Variants in LNPK observed in about 807,000 individuals in gnomAD.
LNPK encodes the protein endoplasmic reticulum junction formation protein lunapark.
LNPK carries 29 observed loss-of-function variants against 55.2 expected under a neutral mutation model. The observed-to-expected ratio is 0.53, with a 90% CI of 0.39 to 0.72. The LOEUF is 0.72. LNPK is among the 30% of genes least tolerant of loss of function. The probability of loss-of-function intolerance (pLI) is 0.00; values close to 1 mark genes in which losing one functional copy is unlikely to be tolerated. For missense variants in LNPK, 467 were observed against 494.8 expected (o/e 0.94, Z 0.53); for synonymous variants, 162 against 168.2 (o/e 0.96, Z 0.29).
chr2:175,937,234 A>G (rs1213455849), intron 12 of LNPK, 110 bp downstream of exon 12: 8 of 1,053,176 alleles, frequency 7.6e-6, no homozygotes, highest in Non-Finnish European at 1.1e-5. Context: ...TGACATATGC[A>G]TGCAGCAAAA....
intron 9 of LNPK, among the ~76,000 whole-genome samples, chr2:175,943,493 G>T (rs556850330): frequency 4.6e-5 from 7 of 152,126 alleles, no homozygotes; most frequent in African/African-American, 1.7e-4. Context: ...TATTCCTAAT[G>T]AGTATTGATA....
rs1233695890 is a variant in LNPK, at chr2:175,964,643, T to C, written c.358-54A>G. ...ACACTTCAAAACACACACTACTTAT[T>C]TGTATAAGTCCTATTCAAAAAGGTT... is the stretch of plus-strand genomic sequence containing the variant. On this transcript the variant is annotated intron_variant, in intron 6 of 12. Transcript: ENST00000272748. 6 of 921,872 alleles carry C rather than the reference T, an allele frequency of 6.5e-6. No individual in the cohort carries two copies. In the East Asian group the frequency reaches 7.2e-5, roughly 11 times the overall value. The allele number at this position is 921,872 out of a possible 1,614,324, so 57.1% of individuals were successfully genotyped here. A position where few individuals can be genotyped will look rare whatever the true frequency, so the allele number is the denominator to read the frequency against.
chr2:175,956,163 C>G (rs1685684532), intron 8 of LNPK, among the ~76,000 whole-genome samples: 1 of 151,354 alleles, frequency 6.6e-6, no homozygotes, highest in Non-Finnish European at 1.5e-5. Context: ...ACTCGTAGTC[C>G]CAGCTACTCA....
chr2:175,944,538 C>A (rs893698623), intron 9 of LNPK, among the ~76,000 whole-genome samples: 2 of 151,930 alleles, frequency 1.3e-5, no homozygotes, highest in African/African-American at 4.8e-5. Context: ...AAGACAGTGA[C>A]AGAATAAAAT....
intron 4 of LNPK, among the ~76,000 whole-genome samples, chr2:175,991,107 A>T (rs1214131114): frequency 6.6e-6 from 1 of 152,212 alleles, no homozygotes; most frequent in East Asian, 1.9e-4. Context: ...CCTATCAGAC[A>T]TTCTGTTACA....
At chr2:175,967,722 A>G (rs1686438941) in intron 6 of LNPK, 1 of 973,886 alleles carries the variant, frequency 1.0e-6, no homozygotes, top group South Asian at 4.7e-5. Flanking sequence ...TTCAGATGTT[A>G]TATCATTTTC....
At chr2:175,947,791 G>T in intron 8 of LNPK, 99 bp from the exon 9 acceptor site, 1 of 682,084 alleles carries the variant, frequency 1.5e-6, no homozygotes, top group Non-Finnish European at 2.3e-6. Flanking sequence ...GCCCCAAAAG[G>T]CATTGTAGTG....
intron 8 of LNPK, among the ~76,000 whole-genome samples, chr2:175,962,734 CAGCAGAAGAAACTACCATCA>C (rs753436447): frequency 1.3e-5 from 2 of 152,074 alleles, no homozygotes; most frequent in Non-Finnish European, 2.9e-5. Flanking sequence ...AGCTTCTGCA[CAGCAGAAGAAACTACCATCA>C]GACTGAACAC....
At chr2:175,933,590 T>C (rs1259631458) in intron 12 of LNPK, among the ~76,000 whole-genome samples, 2 of 152,022 alleles carry the variant, frequency 1.3e-5, no homozygotes, top group Non-Finnish European at 2.9e-5. Flanking sequence ...AAGGTATAAA[T>C]TTCACCCCAA....
At chr2:175,993,798 A>C (rs1273627701) in intron 2 of LNPK, among the ~76,000 whole-genome samples, 3 of 152,168 alleles carry the variant, frequency 2.0e-5, no homozygotes, top group African/African-American at 7.2e-5. Flanking sequence ...ATCTCAAAAA[A>C]AAAATTAAAT....
At position 175,958,802 on chromosome 2, in the gene LNPK, G is replaced by A. The variant is rs148926997; in HGVS notation, c.493+5570C>T. 1.1e-3 allele frequency among the ~76,000 whole-genome samples: 164 copies of A among 152,244 alleles called. 1 individual carries two copies. The highest frequency in any genetic ancestry group is 3.5e-3 in the African/African-American group (144 of 41,546). ...CTAAAGGAGGATGTTCGAACCCATC[G>A]CAAGGAAGCTATAAACCTTGAAAAA... On this transcript the variant is annotated intron_variant, in intron 8 of 12. Coordinates refer to ENST00000272748, the MANE Select transcript of LNPK (RefSeq NM_030650.3).
At chr2:175,988,556 C>G (rs531895113) in intron 4 of LNPK, among the ~76,000 whole-genome samples, 2 of 144,040 alleles carry the variant, frequency 1.4e-5, no homozygotes, top group Admixed American at 7.0e-5. Flanking sequence ...AATTTATATA[C>G]AGGTCTTAAT....
At chr2:175,932,786 A>T (rs1267965759) in intron 12 of LNPK, among the ~76,000 whole-genome samples, 1 of 152,206 alleles carries the variant, frequency 6.6e-6, no homozygotes, top group Non-Finnish European at 1.5e-5. Flanking sequence ...ATGGAAGCAC[A>T]TCATTTGCCC....
chr2:176,002,347 C>G (rs894713650), upstream of LNPK: 2 of 414,238 alleles, frequency 4.8e-6, no homozygotes, highest in African/African-American at 4.2e-5. Flanking sequence ...CGCGCCGCTC[C>G]CCCGTCACGT....
intron 11 of LNPK, 58 bp downstream of exon 11, chr2:175,938,255 C>A: frequency 9.5e-7 from 1 of 1,047,920 alleles, no homozygotes; most frequent in Admixed American, 1.9e-5. Context: ...TAGAAAATGG[C>A]ATAGAATAAA....
At chr2:175,961,470 G>C (rs952533626) in intron 8 of LNPK, among the ~76,000 whole-genome samples, 12 of 152,156 alleles carry the variant, frequency 7.9e-5, no homozygotes, top group African/African-American at 2.2e-4. Flanking sequence ...TATCTCAATA[G>C]ATGCAGAAAA....
chr2:175,945,534 TC>T (rs1271034355), intron 9 of LNPK, among the ~76,000 whole-genome samples: 1 of 148,382 alleles, frequency 6.7e-6, no homozygotes, highest in African/African-American at 2.5e-5. Flanking sequence ...AAAAAAAGAT[TC>T]CATCAGCTAA....
intron 1 of LNPK, among the ~76,000 whole-genome samples, chr2:175,998,799 C>T (rs763923079): frequency 1.6e-4 from 24 of 152,182 alleles, no homozygotes; most frequent in Non-Finnish European, 3.1e-4. Flanking sequence ...CATGTAGCTC[C>T]AGCTAGGGAC....
At position 175,930,238 on chromosome 2, in the gene LNPK, A is replaced by G. The variant is rs758123560; in HGVS notation, c.1055-39T>C. On this transcript the variant is annotated intron_variant, in intron 12 of 12. Transcript: ENST00000272748. Reference sequence around the variant, plus strand: ...GATTCAAAACTTTAGGAATACCTGAACGTTAAAACTGCTAAATAAGGCAAG... The same window carrying G: ...GATTCAAAACTTTAGGAATACCTGAGCGTTAAAACTGCTAAATAAGGCAAG... The G allele has an allele frequency of 1.8e-5, 28 of 1,554,442 alleles. No homozygotes were observed. The South Asian group carries it at 2.5e-4, about 14-fold the overall frequency.
Sources: allele counts gnomAD v4.1 joint callset (sites outside exome capture counted in the v4.1 genomes callset), GRCh38; gene constraint gnomAD v4.1.1; transcripts MANE v1.5; gene names NCBI Gene and HGNC (gene_info 2026-07-23, HGNC 2026-07-21).